Variants in SV2B observed in about 807,000 individuals in gnomAD.
SV2B encodes synaptic vesicle glycoprotein 2B.
SV2B carries 41 observed loss-of-function variants against 73.9 expected under a neutral mutation model. That is an observed-to-expected ratio of 0.56 (90% CI 0.43 to 0.72). The LOEUF (loss-of-function observed/expected upper bound fraction) is 0.72. Among genes scored for constraint, SV2B ranks in the 30% least tolerant of loss-of-function variants. The pLI is 0.00. For missense variants in SV2B, 764 were observed against 857.8 expected, an observed-to-expected ratio of 0.89 and a Z score of 1.37; for synonymous variants, 314 against 314.2, an observed-to-expected ratio of 1.00 and a Z score of 0.01.
chr15:91,183,270 G>A (rs1270327785), intron 1 of SV2B, among the ~76,000 whole-genome samples: 1 of 152,210 alleles, frequency 6.6e-6, no homozygotes, highest in African/African-American at 2.4e-5. Flanking sequence ...CCACATAAAT[G>A]TGGGGAAAGT....
chr15:91,243,179 A>G (rs2047089456), intron 2 of SV2B, among the ~76,000 whole-genome samples: 1 of 152,206 alleles, frequency 6.6e-6, no homozygotes. Flanking sequence ...GTGAAATGGC[A>G]GAGGCATCAC....
intron 4 of SV2B, among the ~76,000 whole-genome samples, chr15:91,255,030 G>C (rs1043832203): frequency 6.6e-6 from 1 of 152,152 alleles, no homozygotes; most frequent in Non-Finnish European, 1.5e-5. Context: ...CCCCATCCCT[G>C]GAGCTATGGG....
At position 91,296,286 on chromosome 15, in the gene SV2B, C is replaced by T. The variant is rs1219982671; in HGVS notation, c.*3734C>T. The T allele has an allele frequency of 6.6e-6, 1 of 152,248 alleles. No individual in the cohort carries two copies. Among genetic ancestry groups the T allele is most frequent in the Admixed American group, 6.5e-5 (1 of 15,280 alleles). The allele number at this position is 152,248 out of a possible 1,614,324, so 9.4% of individuals were successfully genotyped here. On this transcript the variant is annotated 3_prime_UTR_variant, in exon 13 of 13. Coordinates refer to ENST00000394232, the MANE Select transcript of SV2B (RefSeq NM_001323032.3). ...CTTTTCTAGGGGGCATCTGTGCTAA[C>T]TGACCTGGGATTATGTTGGATGGCA...
chr15:91,152,558 A>C (rs1181895603), intron 1 of SV2B, among the ~76,000 whole-genome samples: 1 of 152,234 alleles, frequency 6.6e-6, no homozygotes, highest in African/African-American at 2.4e-5. Flanking sequence ...AATCACTGCC[A>C]TAACAGGAAA....
In SV2B at chr15:91,302,544, C is replaced by T. The variant is rs557919967; in HGVS notation, c.*9992C>T. ...TGGAGGCCAGGTGCAGTGGTTCACACCTGTAATCCCAGCATTTTGGGAAGC... is the reference window on the plus strand; with the variant it reads ...TGGAGGCCAGGTGCAGTGGTTCACATCTGTAATCCCAGCATTTTGGGAAGC... On this transcript the variant is annotated 3_prime_UTR_variant, in exon 13 of 13. Transcript: ENST00000394232. Among the ~76,000 whole-genome samples the T allele has an allele frequency of 1.7e-4, 26 of 152,286 alleles. No individual in the cohort carries two copies. Among genetic ancestry groups the T allele is most frequent in the Non-Finnish European group, 3.2e-4 (22 of 68,012 alleles).
rs989860416 is a variant in SV2B, at chr15:91,245,073, G to A, written c.452-6746G>A. 2.6e-5 allele frequency among the ~76,000 whole-genome samples: 4 copies of A among 152,172 alleles called. No homozygotes were observed. The highest frequency in any genetic ancestry group is 1.9e-4 in the East Asian group (1 of 5,190). ...AGGGCCTCTTCTTTCTTGTCACCAC[G>A]GTAAGCCAGTGCGGTCTGATGGTAC... is the stretch of plus-strand genomic sequence containing the variant. On this transcript the variant is annotated intron_variant, in intron 2 of 12. Transcript: ENST00000394232. The surrounding 1 kb of genome is among the most constrained non-coding windows in gnomAD (Gnocchi z 4.2).
chr15:91,225,539 T>A (rs1399182780), intron 1 of SV2B, among the ~76,000 whole-genome samples: 2 of 152,194 alleles, frequency 1.3e-5, no homozygotes, highest in African/African-American at 4.8e-5. Context: ...TTATTTTATT[T>A]TTTTATTATT....
At chr15:91,257,333 G>A (rs543602489) in intron 4 of SV2B, among the ~76,000 whole-genome samples, 2 of 152,284 alleles carry the variant, frequency 1.3e-5, no homozygotes, top group African/African-American at 4.8e-5. Context: ...AGTGCAGTTC[G>A]ATGGGATCAG....
chr15:91,230,561 G>A (rs1373165650), intron 2 of SV2B, among the ~76,000 whole-genome samples: 1 of 152,180 alleles, frequency 6.6e-6, no homozygotes, highest in Non-Finnish European at 1.5e-5. Flanking sequence ...ATCTAGAACT[G>A]TCTCACTTGG....
rs980366005 is a variant in SV2B at position 91,236,851 on chromosome 15, A to T, written c.451+10137A>T. Among the ~76,000 whole-genome samples, 1 of 152,098 alleles carries T rather than the reference A, an allele frequency of 6.6e-6. No homozygotes were observed. The highest frequency in any genetic ancestry group is 2.4e-5 in the African/African-American group (1 of 41,430). On this transcript the variant is annotated intron_variant, in intron 2 of 12. Transcript: ENST00000394232. The surrounding 1 kb of genome is among the most constrained non-coding windows in gnomAD (Gnocchi z 4.1). ...ATCTGGTACCCAAACTGGAAGACGC[A>T]GATGGCTGGGGCTTCTTTTGAGCAT... is the stretch of plus-strand genomic sequence containing the variant.
At chr15:91,186,168 G>A (rs578132240) in intron 1 of SV2B, among the ~76,000 whole-genome samples, 1 of 152,232 alleles carries the variant, frequency 6.6e-6, no homozygotes, top group South Asian at 2.1e-4. Context: ...ATATTTATCG[G>A]TGAGATACAG....
intron 11 of SV2B, among the ~76,000 whole-genome samples, chr15:91,285,142 A>T (rs957936520): frequency 8.5e-5 from 13 of 152,218 alleles, no homozygotes; most frequent in Admixed American, 2.0e-4. Context: ...GAGAAAATTG[A>T]TCAGGTCTTC....
intron 1 of SV2B, among the ~76,000 whole-genome samples, chr15:91,215,831 C>T (rs144521075): frequency 1.8e-4 from 28 of 152,078 alleles, no homozygotes; most frequent in African/African-American, 6.3e-4. Flanking sequence ...TTTTGATAAA[C>T]ATACTTCTCC....
intron 1 of SV2B, among the ~76,000 whole-genome samples, chr15:91,221,693 G>GCGCGCGTGCGCACA (rs370290337): frequency 2.1e-5 from 3 of 140,068 alleles, no homozygotes; most frequent in African/African-American, 8.4e-5. Flanking sequence ...AAGCATGTGC[G>GCGCGCGTGCGCACA]CACACACACA....
chr15:91,235,924 G>T (rs999169195), intron 2 of SV2B, among the ~76,000 whole-genome samples: 1 of 152,030 alleles, frequency 6.6e-6, no homozygotes, highest in Non-Finnish European at 1.5e-5. Context: ...GAGAAGACCG[G>T]GCAGTAGAGG....
intron 1 of SV2B, among the ~76,000 whole-genome samples, chr15:91,166,002 A>G (rs1175264632): frequency 1.3e-5 from 2 of 152,222 alleles, no homozygotes; most frequent in Non-Finnish European, 2.9e-5. Context: ...CTGGGTAGAC[A>G]ATCCTTTTCT....
chr15:91,246,738 C>T (rs545102506), intron 2 of SV2B, among the ~76,000 whole-genome samples: 162 of 152,060 alleles, frequency 1.1e-3, no homozygotes, highest in Non-Finnish European at 2.0e-3. Context: ...TCCTCCTCCT[C>T]CTCCTCCTCC....
Position 91,252,502 on chromosome 15 carries a change from A to C in SV2B, c.766A>C (p.Ser256Arg), listed in dbSNP as rs765078364. The C allele has an allele frequency of 1.2e-6, 2 of 1,611,132 alleles. No individual in the cohort carries two copies. The highest frequency in any genetic ancestry group is 2.2e-5 in the South Asian group (2 of 90,682). Residue 256 changes from serine (S) to arginine (R), a missense_variant, in exon 4 of 13, where the codon AGC becomes CGC. Ser to Arg is a moderately radical substitution (Grantham distance 110, BLOSUM62 -1). Coordinates refer to ENST00000394232, the MANE Select transcript of SV2B (RefSeq NM_001323032.3). The surrounding 1 kb of genome is among the most constrained non-coding windows in gnomAD (Gnocchi z 4.6). ...CCTGTACGCATCTGCCATGGCCTGG[A>C]GCATCATCCCACACTATGGTGAGTC... The part of the protein sequence containing the change: ...GGLYASAMAW[S>R]IIPHYGWGFS...
intron 9 of SV2B, among the ~76,000 whole-genome samples, chr15:91,276,403 ACTT>A (rs942999658): frequency 2.0e-5 from 3 of 151,804 alleles, no homozygotes; most frequent in Admixed American, 6.6e-5. Context: ...CTTTCCAAAT[ACTT>A]CTTCTTTCTC....
Sources: allele counts gnomAD v4.1 joint callset (sites outside exome capture counted in the v4.1 genomes callset), GRCh38; gene constraint gnomAD v4.1.1; non-coding constraint Gnocchi (gnomAD v3.1); transcripts MANE v1.5; gene names NCBI Gene and HGNC (gene_info 2026-07-23, HGNC 2026-07-21).